The following MYH13 variants were observed in gnomAD, a reference collection of about 807,000 sequenced individuals.
MYH13 encodes myosin-13.
Under a neutral mutation model 232.1 loss-of-function variants are expected in MYH13, and 177 were observed. That is an observed-to-expected ratio of 0.76 (90% CI 0.67 to 0.86). MYH13 has a LOEUF of 0.86. MYH13 is among the 40% of genes least tolerant of loss of function. The pLI, the probability that MYH13 is intolerant of heterozygous loss-of-function variation, is 0.00. For synonymous variants in MYH13, 884 were observed against 923.5 expected (o/e 0.96, Z 0.78); for missense variants, 2,246 against 2,405.9 (o/e 0.93, Z 1.39).
chr17:10,302,925 G>T (rs138781261), intron 39 of MYH13, among the ~76,000 whole-genome samples: 2 of 152,060 alleles, frequency 1.3e-5, no homozygotes, highest in East Asian at 3.9e-4. Flanking sequence ...CATGCTCTAG[G>T]GGGTGTCAAG....
intron 12 of MYH13, among the ~76,000 whole-genome samples, chr17:10,347,097 C>T (rs558705822): frequency 5.3e-5 from 8 of 152,142 alleles, no homozygotes; most frequent in Non-Finnish European, 1.0e-4. Context: ...AGGCCAGGCA[C>T]GGTGGTTCAT....
chr17:10,303,367 C>G (rs769623186), intron 38 of MYH13, 27 bp downstream of exon 38: 3 of 1,612,970 alleles, frequency 1.9e-6, no homozygotes, highest in Non-Finnish European at 2.5e-6. Context: ...ATACAGCATT[C>G]ACTGAGGAGG....
rs1010163508 is a variant in MYH13 at position 10,342,973 on chromosome 17, C to T, written c.1894+827G>A. ...GGCGTGGTGGCGTGCGCCTGTAGTC[C>T]CAGCTACTTGGGAGGCTGAGGCAGG... is the stretch of plus-strand genomic sequence containing the variant. On this transcript the variant is annotated intron_variant, in intron 16 of 40. Transcript: ENST00000252172. Among the ~76,000 whole-genome samples the T allele has an allele frequency of 6.6e-5, 10 of 151,838 alleles. No homozygotes were observed. The East Asian group carries it at 1.6e-3, about 24-fold the overall frequency.
chr17:10,306,606 T>C lies in MYH13; in HGVS notation c.5319A>G (p.Leu1773=), dbSNP rs758010090. ...ITDAAMMAEE[L]KKEQDTSAHL... ...GGGCGCTGGTGTCCTGTTCCTTCTT[T>C]AGCTCCTCAGCCATCATGGCAGCCT... is the stretch of plus-strand genomic sequence containing the variant. The change falls in exon 37 of 41, where the codon CTA becomes CTG. Residue 1773 remains leucine, a synonymous_variant. Coordinates refer to ENST00000252172, the MANE Select transcript of MYH13 (RefSeq NM_003802.3). The surrounding 1 kb of genome is among the most constrained non-coding windows in gnomAD (Gnocchi z 4.3). 5.6e-6 allele frequency: 9 copies of C among 1,614,126 alleles called. No homozygotes were observed. Among genetic ancestry groups the C allele is most frequent in the South Asian group, 1.1e-5 (1 of 91,072 alleles).
Position 10,312,563 on chromosome 17 carries a change from TG to T in MYH13, c.4365+10del. The stretch of plus-strand genomic sequence containing the variant: ...ATGCCATCTTCACAAAGAAAGCGGC[TG>T]GGGAAGGACCTTGTCGAAGTTCCTC... On this transcript the variant is annotated intron_variant, in intron 31 of 40. Transcript: ENST00000252172. The T allele has an allele frequency of 6.2e-7, 1 of 1,605,768 alleles. No homozygotes were observed. Among genetic ancestry groups the T allele is most frequent in the Non-Finnish European group, 8.5e-7 (1 of 1,175,876 alleles).
At chr17:10,330,202 G>A (rs974863426) in intron 21 of MYH13, among the ~76,000 whole-genome samples, 185 bp downstream of exon 21, 2 of 152,068 alleles carry the variant, frequency 1.3e-5, no homozygotes, top group Non-Finnish European at 2.9e-5. Context: ...GTGAGGGAGG[G>A]TTCATTTCTG....
chr17:10,352,029 G>T (rs1274229942), intron 11 of MYH13, among the ~76,000 whole-genome samples: 1 of 152,144 alleles, frequency 6.6e-6, no homozygotes, highest in Non-Finnish European at 1.5e-5. Context: ...AGGCCATGAT[G>T]GCCATCCCTT....
At chr17:10,360,275 A>T in intron 5 of MYH13, 87 bp from the exon 6 acceptor site, 1 of 1,452,074 alleles carries the variant, frequency 6.9e-7, no homozygotes, top group Non-Finnish European at 9.5e-7. Context: ...GTTGGAGAAC[A>T]TAGGCTCTAG....
intron 3 of MYH13, 30 bp from the exon 4 acceptor site, chr17:10,362,533 A>C: frequency 1.2e-6 from 2 of 1,613,882 alleles, no homozygotes; most frequent in Non-Finnish European, 1.7e-6. Context: ...GCAGGTAATA[A>C]ATTGGTGAGC....
intron 22 of MYH13, among the ~76,000 whole-genome samples, chr17:10,325,812 G>A (rs1392715581): frequency 6.6e-6 from 1 of 152,084 alleles, no homozygotes; most frequent in Non-Finnish European, 1.5e-5. Flanking sequence ...GAGTAGCTGG[G>A]ACTACAGGTG....
At chr17:10,309,887 G>A (rs1053678342) in intron 33 of MYH13, 57 bp from the exon 34 acceptor site, 4 of 1,414,732 alleles carry the variant, frequency 2.8e-6, no homozygotes, top group East Asian at 5.0e-5. Context: ...TCATGAATGG[G>A]TATTTTCATC....
intron 5 of MYH13, among the ~76,000 whole-genome samples, 175 bp downstream of exon 5, chr17:10,361,943 C>G (rs1306192256): frequency 6.6e-6 from 1 of 152,242 alleles, no homozygotes; most frequent in Admixed American, 6.5e-5. Flanking sequence ...CAGGCCTTGT[C>G]ATGCACTGTG....
Position 10,302,897 on chromosome 17 carries a change from G to A in MYH13, c.5667+299C>T, listed in dbSNP as rs960070863. ...TTCGGGAGAGTCAGGGTGATCCAAC[G>A]CCAGCAGAGTAGGCTAACATGCTCT... On this transcript the variant is annotated intron_variant, in intron 39 of 40. Transcript: ENST00000252172. Among the ~76,000 whole-genome samples the A allele has an allele frequency of 7.2e-5, 11 of 151,842 alleles. No homozygotes were observed. The South Asian group carries it at 1.0e-3, about 14-fold the overall frequency.
intron 7 of MYH13, among the ~76,000 whole-genome samples, chr17:10,358,472 G>A (rs772329535): frequency 1.3e-5 from 2 of 152,104 alleles, no homozygotes; most frequent in African/African-American, 2.4e-5. Context: ...GGGAATATAT[G>A]AGAAATGCCA....
In MYH13 at chr17:10,332,208, T is replaced by C. The variant is rs370552608; in HGVS notation, c.2189A>G (p.Asn730Ser). Residue 730 changes from asparagine (N) to serine (S), a missense_variant, in exon 20 of 41, where the codon AAT becomes AGT. Coordinates refer to ENST00000252172, the MANE Select transcript of MYH13 (RefSeq NM_003802.3). The part of the protein sequence containing the change: ...ADFKQRYRIL[N>S]ASAIPEGQFI... ...CTGCCCTTCAGGGATAGCACTGGCA[T>C]TGAGGATCCGGTACCTAAGGAGAGA... 1.2e-6 allele frequency: 2 copies of C among 1,613,918 alleles called. No homozygotes were observed. Among genetic ancestry groups the C allele is most frequent in the Non-Finnish European group, 1.7e-6 (2 of 1,179,832 alleles).
rs532875957 is a variant in MYH13, at chr17:10,301,495, A to G, written c.5802+74T>C. 4 of 1,590,274 alleles carry G rather than the reference A, an allele frequency of 2.5e-6. No homozygotes were observed. In the South Asian group the frequency reaches 4.6e-5, roughly 18 times the overall value. ...CTTATCTGGCCTCCCACACTCAGGC[A>G]TTCGCTCTTACCTGGCCCCCATATT... is the stretch of plus-strand genomic sequence containing the variant. On this transcript the variant is annotated intron_variant, in intron 40 of 40. Transcript: ENST00000252172.
chr17:10,337,605 G>A (rs2071585373), intron 18 of MYH13, among the ~76,000 whole-genome samples: 1 of 152,104 alleles, frequency 6.6e-6, no homozygotes, highest in Non-Finnish European at 1.5e-5. Context: ...AAATAAAGAG[G>A]GCACACTAGC....
In MYH13 at chr17:10,350,948, G is replaced by A. The variant is rs565373837; in HGVS notation, c.1006-254C>T. Reference sequence around the variant, plus strand: ...AAATAAGAACTGATTACAGTCGGGCGCGGTGGCTCACGCCTGTAATCCCAG... The same window carrying A: ...AAATAAGAACTGATTACAGTCGGGCACGGTGGCTCACGCCTGTAATCCCAG... On this transcript the variant is annotated intron_variant, in intron 11 of 40. Transcript: ENST00000252172. The A allele has an allele frequency of 2.9e-4, 139 of 477,976 alleles. 1 individual carries two copies. Among genetic ancestry groups the A allele is most frequent in the South Asian group, 2.2e-3 (125 of 56,500 alleles). 29.6% of individuals were successfully genotyped at this position (477,976 alleles called of 1,614,324 possible).
At position 10,364,317 on chromosome 17, in the gene MYH13, C is replaced by A. The variant is rs2071815988; in HGVS notation, c.204+10G>T. 1.2e-6 allele frequency: 2 copies of A among 1,610,132 alleles called. No individual in the cohort carries two copies. Among genetic ancestry groups the A allele is most frequent in the African/African-American group, 1.3e-5 (1 of 74,874 alleles). ...CCATATTATCAAAGACATCTGTAAT[C>A]AACACTCACCCGGTCATCGAGGGTC... On this transcript the variant is annotated intron_variant, in intron 3 of 40. Transcript: ENST00000252172.
Sources: gnomAD v4.1 joint callset for allele counts (sites outside exome capture counted in the v4.1 genomes callset) on GRCh38, gnomAD v4.1.1 for gene constraint, Gnocchi (gnomAD v3.1) non-coding constraint, MANE v1.5 for transcripts, NCBI Gene and HGNC (gene_info 2026-07-23, HGNC 2026-07-21) for gene names.